The following CCDC68 variants were observed in gnomAD, a reference collection of about 807,000 sequenced individuals.
The protein encoded by CCDC68 is coiled-coil domain-containing protein 68.
CCDC68 carries 45 observed loss-of-function variants against 47.1 expected under a neutral mutation model. The observed-to-expected ratio is 0.96, with a 90% CI of 0.75 to 1.23. The LOEUF (loss-of-function observed/expected upper bound fraction) is 1.23. CCDC68 is among the 50% of genes most tolerant of loss of function. CCDC68 has a pLI of 0.00. For synonymous variants in CCDC68, 131 were observed against 129.5 expected (o/e 1.01, Z -0.08); for missense variants, 353 against 373.6 (o/e 0.94, Z 0.45).
chr18:54,949,979 C>T (rs1043955873), intron 1 of CCDC68, among the ~76,000 whole-genome samples: 2 of 152,188 alleles, frequency 1.3e-5, no homozygotes, highest in Non-Finnish European at 1.5e-5. Context: ...ATCCTAACTC[C>T]TCATCTCACA....
chr18:54,907,956 G>C (rs553249313), intron 10 of CCDC68, 94 bp from the exon 11 acceptor site: 2 of 738,244 alleles, frequency 2.7e-6, no homozygotes, highest in East Asian at 5.1e-5. Flanking sequence ...TGCCTCACTC[G>C]TTGGCAGCAA....
At position 54,901,639 on chromosome 18, in the gene CCDC68, T is replaced by G. The variant is rs1208836666; in HGVS notation, c.*2719A>C. 1 of 152,186 alleles carries G rather than the reference T, an allele frequency of 6.6e-6. No homozygotes were observed. The highest frequency in any genetic ancestry group is 2.4e-5 in the African/African-American group (1 of 41,454). 9.4% of individuals were successfully genotyped at this position (152,186 alleles called of 1,614,324 possible). ...TATACTATACTAATTGTTTAAACAT[T>G]TTATAATGATAATTTGTAACAACAT... On this transcript the variant is annotated 3_prime_UTR_variant, in exon 12 of 12. Transcript: ENST00000591504.
intron 10 of CCDC68, among the ~76,000 whole-genome samples, chr18:54,908,487 G>C (rs1374443385): frequency 6.6e-6 from 1 of 152,182 alleles, no homozygotes; most frequent in Non-Finnish European, 1.5e-5. Flanking sequence ...GCTAAGAACA[G>C]GAGTGGTTAG....
intron 9 of CCDC68, 46 bp downstream of exon 9, chr18:54,919,225 C>T (rs1453611281): frequency 6.9e-7 from 1 of 1,449,840 alleles, no homozygotes; most frequent in African/African-American, 1.4e-5. Context: ...GGGCTCCACG[C>T]TGTAAACATA....
At chr18:54,906,083 C>T (rs571548253) in intron 11 of CCDC68, among the ~76,000 whole-genome samples, 1 of 152,204 alleles carries the variant, frequency 6.6e-6, no homozygotes, top group African/African-American at 2.4e-5. Context: ...TTATACATTA[C>T]AATGTAATAA....
chr18:54,950,451 T>A (rs2044594088), intron 1 of CCDC68, among the ~76,000 whole-genome samples: 1 of 121,844 alleles, frequency 8.2e-6, no homozygotes, highest in Non-Finnish European at 1.7e-5. Flanking sequence ...CAGGTGACTG[T>A]GCAGTTTATC....
chr18:54,944,650 A>C (rs1437768356), intron 2 of CCDC68, among the ~76,000 whole-genome samples: 1 of 152,218 alleles, frequency 6.6e-6, no homozygotes, highest in East Asian at 1.9e-4. Context: ...AAAAGAAACA[A>C]GCATGTATTA....
At chr18:54,950,634 G>T (rs2044597248) in intron 1 of CCDC68, among the ~76,000 whole-genome samples, 1 of 151,968 alleles carries the variant, frequency 6.6e-6, no homozygotes, top group Non-Finnish European at 1.5e-5. Flanking sequence ...TTAGATATAA[G>T]ATAAAAGCTA....
chr18:54,940,934 G>T, intron 4 of CCDC68, 63 bp downstream of exon 4: 1 of 1,173,230 alleles, frequency 8.5e-7, no homozygotes. Context: ...GTTAGTAATT[G>T]CCCAAAAATT....
chr18:54,922,806 G>A (rs62091529), intron 8 of CCDC68, among the ~76,000 whole-genome samples: 25,408 of 151,860 alleles, frequency 0.17, 2,162 homozygotes, highest in South Asian at 0.22. Flanking sequence ...TGGCCAACAT[G>A]GTGAGACCCT....
chr18:54,940,153 C>T (rs1281652281), intron 4 of CCDC68, among the ~76,000 whole-genome samples: 1 of 152,140 alleles, frequency 6.6e-6, no homozygotes, highest in Non-Finnish European at 1.5e-5. Context: ...AGTTTCAGAA[C>T]TTTAAATACA....
In CCDC68 at chr18:54,903,044, T is replaced by C. The variant is rs1913771820; in HGVS notation, c.*1314A>G. The C allele has an allele frequency of 6.6e-6, 1 of 152,162 alleles. No homozygotes were observed. The highest frequency in any genetic ancestry group is 1.5e-5 in the Non-Finnish European group (1 of 68,012). The allele number at this position is 152,162 out of a possible 1,614,324, so 9.4% of individuals were successfully genotyped here. A position where few individuals can be genotyped will look rare whatever the true frequency, so the allele number is the denominator to read the frequency against. ...AATAAAAATGTTTCCAAAAATACCA[T>C]GAAGCGTAAAACTCACACACAGTTA... On this transcript the variant is annotated 3_prime_UTR_variant, in exon 12 of 12. Transcript: ENST00000591504.
intron 2 of CCDC68, among the ~76,000 whole-genome samples, chr18:54,944,376 G>T (rs2044488810): frequency 6.6e-6 from 1 of 152,086 alleles, no homozygotes; most frequent in South Asian, 2.1e-4. Context: ...CTGATAAGAA[G>T]CCAAGACTCC....
At chr18:54,946,751 T>C (rs2044534597) in intron 1 of CCDC68, among the ~76,000 whole-genome samples, 1 of 152,332 alleles carries the variant, frequency 6.6e-6, no homozygotes, top group Admixed American at 6.5e-5. Context: ...TTGGGCCACC[T>C]TAAACAAGTT....
At chr18:54,906,705 C>T (rs947869483) in intron 11 of CCDC68, among the ~76,000 whole-genome samples, 7 of 152,200 alleles carry the variant, frequency 4.6e-5, no homozygotes, top group African/African-American at 1.7e-4. Flanking sequence ...TGACTCGACT[C>T]TCCCTGCTTC....
intron 7 of CCDC68, among the ~76,000 whole-genome samples, chr18:54,930,424 T>C (rs2044221820): frequency 6.6e-6 from 1 of 152,208 alleles, no homozygotes; most frequent in African/African-American, 2.4e-5. Context: ...GACCTCAATA[T>C]ATAATAATTT....
intron 7 of CCDC68, among the ~76,000 whole-genome samples, chr18:54,932,628 T>C (rs2044282905): frequency 6.6e-6 from 1 of 152,230 alleles, no homozygotes; most frequent in Non-Finnish European, 1.5e-5. Context: ...TGCATGGCCT[T>C]ACTAAGCCAT....
At chr18:54,918,280 G>A (rs557554982) in intron 9 of CCDC68, among the ~76,000 whole-genome samples, 22 of 152,286 alleles carry the variant, frequency 1.4e-4, no homozygotes, top group African/African-American at 4.6e-4. Flanking sequence ...AGCACTGGCC[G>A]CCCTTCTGCA....
At chr18:54,956,083 T>A (rs1348436542) in intron 1 of CCDC68, among the ~76,000 whole-genome samples, 2 of 149,470 alleles carry the variant, frequency 1.3e-5, no homozygotes, top group Non-Finnish European at 3.0e-5. Context: ...TCTGCCTCCC[T>A]GGTTCAAGCG....
Sources: gnomAD v4.1 joint callset for allele counts (sites outside exome capture counted in the v4.1 genomes callset) on GRCh38, gnomAD v4.1.1 for gene constraint, MANE v1.5 for transcripts, NCBI Gene and HGNC (gene_info 2026-07-23, HGNC 2026-07-21) for gene names.